The following MYCBP2 variants were observed in gnomAD, a reference collection of about 807,000 sequenced individuals.
MYCBP2 encodes the protein MYC binding protein 2, also known as E3 ubiquitin-protein ligase MYCBP2.
A neutral mutation model predicts 525.3 loss-of-function variants in MYCBP2; 120 were observed. That is an observed-to-expected ratio of 0.23 (90% CI 0.20 to 0.27). MYCBP2 has a LOEUF of 0.27. Ranked by LOEUF, MYCBP2 falls within the 10% of genes least tolerant of loss-of-function variation. The pLI, the probability that MYCBP2 is intolerant of heterozygous loss-of-function variation, is 1.00. For synonymous variants in MYCBP2, 1,894 were observed against 1,955.8 expected, an observed-to-expected ratio of 0.97 and a Z score of 0.83; for missense variants, 4,149 against 5,657.1, an observed-to-expected ratio of 0.73 and a Z score of 8.55.
At chr13:77,178,779 T>C (rs536045003) in intron 34 of MYCBP2, among the ~76,000 whole-genome samples, 3 of 152,314 alleles carry the variant, frequency 2.0e-5, no homozygotes, top group East Asian at 1.9e-4. Flanking sequence ...CAAAGTTGTA[T>C]ACCAGGCACC....
In MYCBP2 at chr13:77,148,916, T is replaced by C. The variant is rs2056048503; in HGVS notation, c.7131+1818A>G. Among the ~76,000 whole-genome samples, 4 of 152,260 alleles carry C rather than the reference T, an allele frequency of 2.6e-5. No individual in the cohort carries two copies. The South Asian group carries it at 8.3e-4, about 32-fold the overall frequency. ...CTAGCATCTGTATTAAGCTTTCTTT[T>C]CCTTCTTCTGGTAGAATGAAACAAG... On this transcript the variant is annotated intron_variant, in intron 47 of 82. Coordinates refer to ENST00000544440, the MANE Select transcript of MYCBP2 (RefSeq NM_015057.5).
At chr13:77,198,900 C>G (rs1566895042) in intron 26 of MYCBP2, among the ~76,000 whole-genome samples, 1 of 152,164 alleles carries the variant, frequency 6.6e-6, no homozygotes, top group Non-Finnish European at 1.5e-5. Context: ...ACCAGAAGTT[C>G]CACAGAAAGG....
At position 77,069,692 on chromosome 13, in the gene MYCBP2, T is replaced by TAAA. The variant is rs752290620; in HGVS notation, c.11905-864_11905-862dup. On this transcript the variant is annotated intron_variant, in intron 69 of 82. Coordinates refer to ENST00000544440, the MANE Select transcript of MYCBP2 (RefSeq NM_015057.5). ...TAACACGGTGAAACCCCGTCTGTAC[T>TAAA]AAAAAAAAAAAAAAAAAAAAAAAAA... 2.7e-3 allele frequency among the ~76,000 whole-genome samples: 188 copies of TAAA among 70,380 alleles called. 4 individuals carry two copies. The highest frequency in any genetic ancestry group is 4.9e-3 in the Non-Finnish European group (170 of 34,960). The allele number at this position is 70,380 out of a possible 152,430, so 46.2% of individuals were successfully genotyped here. A position where few individuals can be genotyped will look rare whatever the true frequency, so the allele number is the denominator to read the frequency against.
chr13:77,227,530 T>C (rs1172004700), intron 18 of MYCBP2, among the ~76,000 whole-genome samples: 1 of 148,756 alleles, frequency 6.7e-6, no homozygotes, highest in African/African-American at 2.5e-5. Flanking sequence ...ATACATATCT[T>C]CCAAAGGCTA....
At chr13:77,069,691 C>CT (rs1239180432) in intron 69 of MYCBP2, among the ~76,000 whole-genome samples, 2 of 99,714 alleles carry the variant, frequency 2.0e-5, no homozygotes, top group Non-Finnish European at 3.9e-5. Flanking sequence ...CCCGTCTGTA[C>CT]TAAAAAAAAA....
chr13:77,123,466 C>T (rs1242958998), intron 54 of MYCBP2, among the ~76,000 whole-genome samples: 1 of 152,158 alleles, frequency 6.6e-6, no homozygotes, highest in East Asian at 1.9e-4. Flanking sequence ...AAACTTGATC[C>T]TTAGCATGGA....
At position 77,045,269 on chromosome 13, in the gene MYCBP2, T is replaced by C. The variant is rs886730245; in HGVS notation, c.*109A>G. 4 of 635,942 alleles carry C rather than the reference T, an allele frequency of 6.3e-6. No homozygotes were observed. Among genetic ancestry groups the C allele is most frequent in the African/African-American group, 3.6e-5 (2 of 55,018 alleles). 39.4% of individuals were successfully genotyped at this position (635,942 alleles called of 1,614,324 possible). ...TTGCACTGTGAATGGTTCATTTTCA[T>C]GGATGTAAAAATGGTCCCGTCCTTA... is the stretch of plus-strand genomic sequence containing the variant. On this transcript the variant is annotated 3_prime_UTR_variant, in exon 83 of 83. Coordinates refer to ENST00000544440, the MANE Select transcript of MYCBP2 (RefSeq NM_015057.5).
rs1431852116 is a variant in MYCBP2, at chr13:77,205,608, C to G, written c.3590-10G>C. ...AAGGTATCAAGACAACCTAAAACAA[C>G]AAAGAAACAAAATTTAACTCCTTGA... On this transcript the variant is annotated splice_polypyrimidine_tract_variant and intron_variant, in intron 24 of 82. Coordinates refer to ENST00000544440, the MANE Select transcript of MYCBP2 (RefSeq NM_015057.5). 6.2e-7 allele frequency: 1 copy of G among 1,602,760 alleles called. No homozygotes were observed. Among genetic ancestry groups the G allele is most frequent in the Non-Finnish European group, 8.5e-7 (1 of 1,176,868 alleles).
Position 77,243,839 on chromosome 13 carries a change from C to T in MYCBP2, c.2494G>A (p.Val832Met). The change falls in exon 16 of 83, where the codon GTG (valine) becomes ATG (methionine). Residue 832 changes from valine (V) to methionine (M), a missense_variant. Val to Met is a conservative substitution (Grantham distance 21). Transcript: ENST00000544440. ...EARQRGILDA[V>M]KEMIPLDLLL... ...AGATCTAAAGGTATCATTTCTTTCA[C>T]TGCATCAAGAATTCCTCTTTGTCTT... The T allele has an allele frequency of 6.2e-7, 1 of 1,613,780 alleles. No homozygotes were observed. The highest frequency in any genetic ancestry group is 8.5e-7 in the Non-Finnish European group (1 of 1,179,904).
In MYCBP2 at chr13:77,107,691, T is replaced by C. The variant is rs567159865; in HGVS notation, c.8141-8678A>G. Among the ~76,000 whole-genome samples, 78 of 152,142 alleles carry C rather than the reference T, an allele frequency of 5.1e-4. 2 individuals are homozygous for C. In the South Asian group the frequency reaches 0.014, roughly 26 times the overall value. Reference sequence around the variant, plus strand: ...AGAGGGAGGTTGCAGTGAGCCTAGATTGCACCACTGTACTCCAGTGTGGGC... The same window carrying C: ...AGAGGGAGGTTGCAGTGAGCCTAGACTGCACCACTGTACTCCAGTGTGGGC... On this transcript the variant is annotated intron_variant, in intron 55 of 82. Coordinates refer to ENST00000544440, the MANE Select transcript of MYCBP2 (RefSeq NM_015057.5).
chr13:77,061,392 G>A (rs2285389), intron 75 of MYCBP2, 91 bp from the exon 76 acceptor site: 754,116 of 1,118,900 alleles, frequency 0.67, 265,069 homozygotes, highest in Non-Finnish European at 0.73. Context: ...AATAATAATG[G>A]CTTTCATTTA....
At position 77,302,022 on chromosome 13, in the gene MYCBP2, C is replaced by T. The variant is rs895826972; in HGVS notation, c.303-5348G>A. Among the ~76,000 whole-genome samples the T allele has an allele frequency of 5.9e-5, 9 of 151,782 alleles. No homozygotes were observed. The East Asian group carries it at 1.4e-3, about 23-fold the overall frequency. On this transcript the variant is annotated intron_variant, in intron 1 of 82. Transcript: ENST00000544440. ...AAATAACAGAATTCAATCACGGAAA[C>T]AAAAATGGGATGAACCAAACAGAGA...
At chr13:77,257,209 A>G (rs185766163) in intron 14 of MYCBP2, among the ~76,000 whole-genome samples, 1 of 152,274 alleles carries the variant, frequency 6.6e-6, no homozygotes, top group East Asian at 1.9e-4. Context: ...GAAGATAGAG[A>G]GTACAATGCT....
At chr13:77,094,994 A>G (rs771354849) in intron 58 of MYCBP2, among the ~76,000 whole-genome samples, 23 of 152,178 alleles carry the variant, frequency 1.5e-4, no homozygotes, top group Non-Finnish European at 2.9e-4. Context: ...ATGCTAACAG[A>G]ATGAATAATT....
chr13:77,293,308 A>G (rs563960788), intron 2 of MYCBP2, among the ~76,000 whole-genome samples: 1 of 152,276 alleles, frequency 6.6e-6, no homozygotes, highest in South Asian at 2.1e-4. Context: ...AAAAATAATA[A>G]GATAGTCTGG....
chr13:77,088,616 A>G (rs905268506), intron 61 of MYCBP2, among the ~76,000 whole-genome samples: 2 of 152,292 alleles, frequency 1.3e-5, no homozygotes, highest in Non-Finnish European at 2.9e-5. Context: ...CAATACAGAA[A>G]TAAATTTCTT....
At chr13:77,292,454 G>C (rs568841774) in intron 2 of MYCBP2, among the ~76,000 whole-genome samples, 80 of 150,670 alleles carry the variant, frequency 5.3e-4, no homozygotes, top group Non-Finnish European at 1.0e-3. Flanking sequence ...TATAAAATCA[G>C]CAAAAAAATG....
intron 46 of MYCBP2, among the ~76,000 whole-genome samples, chr13:77,153,315 T>C (rs7984926): frequency 0.73 from 111,321 of 152,016 alleles, 41,968 homozygotes; most frequent in Middle Eastern, 0.84. Context: ...AGCCCAGAGG[T>C]GCTTGCCTGG....
At chr13:77,233,085 A>G in intron 18 of MYCBP2, 71 bp downstream of exon 18, 1 of 1,336,542 alleles carries the variant, frequency 7.5e-7, no homozygotes, top group Non-Finnish European at 1.1e-6. Flanking sequence ...GCATTTTCCC[A>G]GAGACAAAAT....
Sources: gnomAD v4.1 joint callset for allele counts (sites outside exome capture counted in the v4.1 genomes callset) on GRCh38, gnomAD v4.1.1 for gene constraint, MANE v1.5 for transcripts, NCBI Gene and HGNC (gene_info 2026-07-23, HGNC 2026-07-21) for gene names.